Variants in PIBF1 observed in about 807,000 individuals in gnomAD.
PIBF1 encodes the protein progesterone-induced-blocking factor 1.
Under a neutral mutation model 112.5 loss-of-function variants are expected in PIBF1, and 90 were observed. The observed-to-expected ratio is 0.80, with a 90% CI of 0.67 to 0.95. PIBF1 has a LOEUF of 0.95. PIBF1 is among the 40% of genes least tolerant of loss of function. The pLI is 0.00. For synonymous variants in PIBF1, 301 were observed against 288.6 expected (o/e 1.04, Z -0.44); for missense variants, 915 against 852.3 (o/e 1.07, Z -0.92).
chr13:72,793,441 T>C (rs1434029482), intron 3 of PIBF1, among the ~76,000 whole-genome samples: 1 of 152,206 alleles, frequency 6.6e-6, no homozygotes, highest in East Asian at 1.9e-4. Flanking sequence ...AGAAGCCTAC[T>C]GGATCCCACC....
intron 17 of PIBF1, among the ~76,000 whole-genome samples, chr13:73,014,759 C>T (rs886638021): frequency 5.7e-4 from 5 of 8,752 alleles, no homozygotes; most frequent in Non-Finnish European, 8.2e-4. Context: ...GGCATGATCA[C>T]AGCTCACTTC....
intron 16 of PIBF1, among the ~76,000 whole-genome samples, chr13:72,983,258 C>T (rs1419944674): frequency 6.6e-6 from 1 of 151,934 alleles, no homozygotes; most frequent in South Asian, 2.1e-4. Flanking sequence ...CATGATTGCA[C>T]CACTGCACTC....
chr13:72,820,286 A>ATAC (rs1163658000), intron 5 of PIBF1, among the ~76,000 whole-genome samples: 2 of 152,132 alleles, frequency 1.3e-5, no homozygotes, highest in East Asian at 3.8e-4. Context: ...CCATAACACT[A>ATAC]TACTCTCTTC....
intron 13 of PIBF1, among the ~76,000 whole-genome samples, chr13:72,927,946 T>TATATATATATATGTATATAC (rs1566457533): frequency 1.9e-4 from 11 of 56,672 alleles, no homozygotes; most frequent in African/African-American, 1.2e-3. Flanking sequence ...TATATGTGTG[T>TATATATATATATGTATATAC]ATATATATAT....
chr13:72,792,031 C>T lies in PIBF1; in HGVS notation c.253-416C>T, dbSNP rs922486153. On this transcript the variant is annotated intron_variant, in intron 2 of 17. Transcript: ENST00000326291. ...AGGCAGGAGGCCAGGCGCGGTGGCT[C>T]ATGCCTGTAATCCCAGCATTTTGGG... Among the ~76,000 whole-genome samples the T allele has an allele frequency of 2.6e-5, 4 of 152,070 alleles. No individual in the cohort carries two copies. The East Asian group carries it at 5.9e-4, about 22-fold the overall frequency.
chr13:72,920,318 G>A (rs1322201922), intron 13 of PIBF1, among the ~76,000 whole-genome samples: 1 of 152,180 alleles, frequency 6.6e-6, no homozygotes, highest in Non-Finnish European at 1.5e-5. Context: ...GTTATTTTGA[G>A]GAAGTGCTTC....
intron 13 of PIBF1, among the ~76,000 whole-genome samples, chr13:72,930,734 TTAAAG>T (rs2041671872): frequency 6.6e-6 from 1 of 152,196 alleles, no homozygotes; most frequent in Admixed American, 6.5e-5. Context: ...ATTATGTTGT[TTAAAG>T]TAAACTCTGA....
chr13:72,874,116 A>G (rs918973736), intron 10 of PIBF1, among the ~76,000 whole-genome samples: 4 of 152,208 alleles, frequency 2.6e-5, no homozygotes, highest in African/African-American at 9.6e-5. Flanking sequence ...GTTGTCAGTT[A>G]ACTCAAATGT....
At chr13:72,785,834 G>C (rs2138321679) in intron 2 of PIBF1, among the ~76,000 whole-genome samples, 1 of 152,222 alleles carries the variant, frequency 6.6e-6, no homozygotes, top group Admixed American at 6.5e-5. Flanking sequence ...ATTTTGTTCA[G>C]CCACCTCTTG....
At chr13:72,818,141 G>T (rs2036377908) in intron 5 of PIBF1, among the ~76,000 whole-genome samples, 1 of 151,832 alleles carries the variant, frequency 6.6e-6, no homozygotes, top group South Asian at 2.1e-4. Context: ...ACTACTCTCT[G>T]AATATCCTAA....
At chr13:72,860,350 T>C (rs1462610001) in intron 10 of PIBF1, among the ~76,000 whole-genome samples, 1 of 132,542 alleles carries the variant, frequency 7.5e-6, no homozygotes, top group Non-Finnish European at 1.7e-5. Flanking sequence ...TGTGTGTGTG[T>C]GTGACAGTAG....
At chr13:72,848,844 A>G (rs1307791809) in intron 9 of PIBF1, among the ~76,000 whole-genome samples, 1 of 151,062 alleles carries the variant, frequency 6.6e-6, no homozygotes, top group African/African-American at 2.5e-5. Flanking sequence ...AAAAAAAAAA[A>G]AAGAACTTAA....
intron 10 of PIBF1, among the ~76,000 whole-genome samples, chr13:72,889,705 AAAT>A (rs2039984189): frequency 6.6e-6 from 1 of 152,188 alleles, no homozygotes; most frequent in African/African-American, 2.4e-5. Flanking sequence ...ACATACAGAT[AAAT>A]GCTTTGCCTC....
At chr13:72,888,657 G>A (rs2039945282) in intron 10 of PIBF1, among the ~76,000 whole-genome samples, 1 of 151,824 alleles carries the variant, frequency 6.6e-6, no homozygotes, top group African/African-American at 2.4e-5. Context: ...CCACATTGTG[G>A]TCTATTATAT....
In PIBF1 at chr13:72,894,039, A is replaced by T. The variant is rs377146456; in HGVS notation, c.1488+90A>T. ...TATTGAGCTTTATTTCTCCTATAGGATGTATCACTATCCTGCACAAAAAAA... is the reference window on the plus strand; with the variant it reads ...TATTGAGCTTTATTTCTCCTATAGGTTGTATCACTATCCTGCACAAAAAAA... On this transcript the variant is annotated intron_variant, in intron 11 of 17. Coordinates refer to ENST00000326291, the MANE Select transcript of PIBF1 (RefSeq NM_006346.4). 7.4e-5 allele frequency: 14 copies of T among 188,368 alleles called. 1 individual carries two copies. The highest frequency in any genetic ancestry group is 6.3e-4 in the East Asian group (4 of 6,300). The allele number at this position is 188,368 out of a possible 1,614,324, so 11.7% of individuals were successfully genotyped here. A position where few individuals can be genotyped will look rare whatever the true frequency, so the allele number is the denominator to read the frequency against.
At chr13:72,987,858 A>ATTTATTT (rs1345167411) in intron 16 of PIBF1, among the ~76,000 whole-genome samples, 17 of 58,110 alleles carry the variant, frequency 2.9e-4, no homozygotes, top group African/African-American at 1.5e-3. Flanking sequence ...TTATTTATTT[A>ATTTATTT]TTTTTTTTTT....
chr13:73,007,809 C>CA (rs34084112), intron 17 of PIBF1, among the ~76,000 whole-genome samples: 13,618 of 135,714 alleles, frequency 0.1, 1,871 homozygotes, highest in African/African-American at 0.33. Flanking sequence ...AACTCCATCT[C>CA]AAAAAAAAAA....
At chr13:72,982,196 G>A (rs996820375) in intron 16 of PIBF1, among the ~76,000 whole-genome samples, 1 of 152,126 alleles carries the variant, frequency 6.6e-6, no homozygotes, top group Admixed American at 6.5e-5. Context: ...CCAGCACTTA[G>A]GAAGGCCAAG....
intron 10 of PIBF1, among the ~76,000 whole-genome samples, chr13:72,889,314 G>A (rs1316578789): frequency 6.6e-6 from 1 of 151,966 alleles, no homozygotes; most frequent in African/African-American, 2.4e-5. Context: ...GGAGATTTAG[G>A]CCCATCTTTG....
Sources: gnomAD v4.1 joint callset for allele counts (sites outside exome capture counted in the v4.1 genomes callset) on GRCh38, gnomAD v4.1.1 for gene constraint, MANE v1.5 for transcripts, NCBI Gene and HGNC (gene_info 2026-07-23, HGNC 2026-07-21) for gene names.